PEG3: variants seen among roughly 807,000 people sequenced by gnomAD.
PEG3 encodes paternally-expressed gene 3 protein.
In PEG3, 23 loss-of-function variants were observed where a neutral mutation model predicts 35.5. The observed-to-expected ratio is 0.65, with a 90% CI of 0.47 to 0.92. The LOEUF (loss-of-function observed/expected upper bound fraction) is 0.92. Among genes scored for constraint, PEG3 ranks in the 40% least tolerant of loss-of-function variants. The probability of loss-of-function intolerance (pLI) is 0.00; values close to 1 mark genes in which losing one functional copy is unlikely to be tolerated. For missense variants in PEG3, 1,960 were observed against 1,985.3 expected, an observed-to-expected ratio of 0.99 and a Z score of 0.24; for synonymous variants, 707 against 697.0, an observed-to-expected ratio of 1.01 and a Z score of -0.23.
intron 1 of PEG3, 58 bp from the exon 2 acceptor site, chr19:56,836,162 CAG>C: frequency 2.3e-6 from 1 of 434,366 alleles, no homozygotes. Context: ...CTGGGTTCCT[CAG>C]GGGGGAACAA....
chr19:56,814,489 G>A lies in PEG3; in HGVS notation c.3953C>T (p.Thr1318Ile). The A allele has an allele frequency of 6.2e-7, 1 of 1,613,082 alleles. No individual in the cohort carries two copies. The highest frequency in any genetic ancestry group is 8.5e-7 in the Non-Finnish European group (1 of 1,179,034). Reference sequence around the variant, plus strand: ...TTTGAGGGGCTCAGTAAGAAATGAGGTGTGAGTATAGGAGGACCCGTACTC... The same window carrying A: ...TTTGAGGGGCTCAGTAAGAAATGAGATGTGAGTATAGGAGGACCCGTACTC... ...PYEYGSSYTH[T>I]SFLTEPLKGA... The change falls in exon 10 of 10, where the codon ACC becomes ATC. Residue 1318 changes from threonine to isoleucine, a missense_variant. By Grantham distance (89) the Thr-to-Ile change is moderately conservative. Transcript: ENST00000326441. This position sits in a 1 kb window ranked among gnomAD's most constrained non-coding sequence, Gnocchi z 5.8.
In PEG3 at chr19:56,816,946, T is replaced by C; in HGVS notation, c.1496A>G (p.Gln499Arg). The change falls in exon 10 of 10, where the codon CAG becomes CGG. Residue 499 changes from glutamine to arginine, a missense_variant. Coordinates refer to ENST00000326441, the MANE Select transcript of PEG3 (RefSeq NM_006210.3). ...ACATTCAAAACGTTTCCCTCCAACC[T>C]GACTTTTCTGAACTTCACTGACAGC... ...SVAVSEVQKS[Q>R]VGGKRFECKD... 6.2e-7 allele frequency: 1 copy of C among 1,614,228 alleles called. No individual in the cohort carries two copies. The highest frequency in any genetic ancestry group is 1.3e-5 in the African/African-American group (1 of 75,068).
rs907308151 is a variant in PEG3 at position 56,810,483 on chromosome 19, C to T, written c.*3192G>A. On this transcript the variant is annotated 3_prime_UTR_variant, in exon 10 of 10. Transcript: ENST00000326441. Reference sequence around the variant, plus strand: ...AATAATCACAGACTAGTGCACAGATCAAGATGTTAACAGTTAATTGTTGTT... The same window carrying T: ...AATAATCACAGACTAGTGCACAGATTAAGATGTTAACAGTTAATTGTTGTT... 1.0e-6 allele frequency: 1 copy of T among 984,956 alleles called. No homozygotes were observed. 61.0% of individuals were successfully genotyped at this position (984,956 alleles called of 1,614,324 possible). A position where few individuals can be genotyped will look rare whatever the true frequency, so the allele number is the denominator to read the frequency against.
At chr19:56,837,682 T>C (rs998691581) in intron 1 of PEG3, among the ~76,000 whole-genome samples, 3 of 152,150 alleles carry the variant, frequency 2.0e-5, no homozygotes, top group African/African-American at 7.2e-5. Flanking sequence ...AAGGCTCCAG[T>C]GCAGGCCCCA....
Position 56,816,345 on chromosome 19 carries a change from C to T in PEG3, c.2097G>A (p.Glu699=), listed in dbSNP as rs1336848979. 6.2e-7 allele frequency: 1 copy of T among 1,614,062 alleles called. No individual in the cohort carries two copies. Among genetic ancestry groups the T allele is most frequent in the African/African-American group, 1.3e-5 (1 of 74,918 alleles). The change falls in exon 10 of 10, where the codon GAG becomes GAA. Residue 699 remains glutamate, a synonymous_variant. Coordinates refer to ENST00000326441, the MANE Select transcript of PEG3 (RefSeq NM_006210.3). Reference sequence around the variant, plus strand: ...AATGAATTTTCTGATGCTCACTGAGCTCTGAGCTTTGCATGAAGGCATCCC... The same window carrying T: ...AATGAATTTTCTGATGCTCACTGAGTTCTGAGCTTTGCATGAAGGCATCCC... The part of the protein sequence containing the change: ...DGRDAFMQSS[E]LSEHQKIHSR...
At position 56,836,001 on chromosome 19, in the gene PEG3, G is replaced by A. The variant is rs368366933; in HGVS notation, c.-163+17C>T. 18 of 510,116 alleles carry A rather than the reference G, an allele frequency of 3.5e-5. No homozygotes were observed. Among genetic ancestry groups the A allele is most frequent in the East Asian group, 3.3e-4 (6 of 18,124 alleles). The allele number at this position is 510,116 out of a possible 1,614,324, so 31.6% of individuals were successfully genotyped here. ...CCAAAGATGAATGTGGCACTGTGAGGAGGAAATTCAACTCACCTGGACCCA... is the reference window on the plus strand; with the variant it reads ...CCAAAGATGAATGTGGCACTGTGAGAAGGAAATTCAACTCACCTGGACCCA... On this transcript the variant is annotated intron_variant, in intron 2 of 9. Coordinates refer to ENST00000326441, the MANE Select transcript of PEG3 (RefSeq NM_006210.3).
At chr19:56,831,000 T>C (rs981058164) in intron 2 of PEG3, among the ~76,000 whole-genome samples, 1 of 151,862 alleles carries the variant, frequency 6.6e-6, no homozygotes, top group African/African-American at 2.4e-5. Flanking sequence ...CTGAAATAAA[T>C]ACATAAAGAC....
chr19:56,815,056 T>C lies in PEG3; in HGVS notation c.3386A>G (p.His1129Arg). ...ACTGTCAACCAGGCACTTCCTGCTG[T>C]GGACTTTCTGATGGTCTGTGAGGTC... ...LTDLTDHQKV[H>R]SRKCLVDSRE... Residue 1129 changes from histidine (H) to arginine (R), a missense_variant, in exon 10 of 10, where the codon CAC becomes CGC. Transcript: ENST00000326441. 5 of 1,614,192 alleles carry C rather than the reference T, an allele frequency of 3.1e-6. No homozygotes were observed. The highest frequency in any genetic ancestry group is 4.2e-6 in the Non-Finnish European group (5 of 1,180,022).
chr19:56,836,099 G>C lies in PEG3; in HGVS notation c.-244C>G. ...CCAAGAAGGACGGAAGATCAAGAAG[G>C]CAAAGCTGTAGAGGAAAAGAAAATG... On this transcript the variant is annotated 5_prime_UTR_variant, in exon 2 of 10. Coordinates refer to ENST00000326441, the MANE Select transcript of PEG3 (RefSeq NM_006210.3). The C allele has an allele frequency of 4.1e-6, 2 of 484,156 alleles. No individual in the cohort carries two copies. Among genetic ancestry groups the C allele is most frequent in the South Asian group, 3.0e-5 (2 of 66,322 alleles). 30.0% of individuals were successfully genotyped at this position (484,156 alleles called of 1,614,324 possible).
At chr19:56,836,189 C>A in intron 1 of PEG3, 85 bp from the exon 2 acceptor site, 1 of 397,406 alleles carries the variant, frequency 2.5e-6, no homozygotes. Context: ...ACAACAGTTC[C>A]ACATTTATCT....
chr19:56,835,996 G>T, intron 2 of PEG3, 22 bp downstream of exon 2: 1 of 509,146 alleles, frequency 2.0e-6, no homozygotes. Context: ...ATGTGGCACT[G>T]TGAGGAGGAA....
intron 2 of PEG3, among the ~76,000 whole-genome samples, chr19:56,834,647 G>A (rs983272503): frequency 3.9e-5 from 6 of 152,070 alleles, no homozygotes; most frequent in Non-Finnish European, 7.4e-5. Flanking sequence ...ATGAGCCCTC[G>A]GGCAAAGGAG....
In PEG3 at chr19:56,816,496, T is replaced by C; in HGVS notation, c.1946A>G (p.His649Arg). ...SSSLKEHQKIHTRGNPFENKG... is the reference protein window; with the variant it reads ...SSSLKEHQKIRTRGNPFENKG... ...GTTTTCAAATGGGTTCCCTCTAGTA[T>C]GGATTTTCTGATGTTCTTTCAGGGA... The change falls in exon 10 of 10, where the codon CAT becomes CGT. Residue 649 changes from histidine (H) to arginine (R), a missense_variant. Physicochemically the swap from His to Arg is conservative, Grantham distance 29. Around this residue, in one of 5 missense-constraint regions of PEG3, gnomAD observed 798 missense variants for 782.4 expected, o/e 1.02. Transcript: ENST00000326441. 2 of 1,613,426 alleles carry C rather than the reference T, an allele frequency of 1.2e-6. No individual in the cohort carries two copies. The highest frequency in any genetic ancestry group is 1.7e-5 in the Admixed American group (1 of 59,932).
chr19:56,812,933 T>A lies in PEG3; in HGVS notation c.*742A>T. On this transcript the variant is annotated 3_prime_UTR_variant, in exon 10 of 10. Coordinates refer to ENST00000326441, the MANE Select transcript of PEG3 (RefSeq NM_006210.3). ...GGGTCACAAAAAGCCAATCCGTATATTGTAAAGCCTTACACAGTATTAGGT... is the reference window on the plus strand; with the variant it reads ...GGGTCACAAAAAGCCAATCCGTATAATGTAAAGCCTTACACAGTATTAGGT... 2.0e-6 allele frequency: 2 copies of A among 985,798 alleles called. No homozygotes were observed. The highest frequency in any genetic ancestry group is 1.2e-6 in the Non-Finnish European group (1 of 829,902). The allele number at this position is 985,798 out of a possible 1,614,324, so 61.1% of individuals were successfully genotyped here. A position where few individuals can be genotyped will look rare whatever the true frequency, so the allele number is the denominator to read the frequency against.
intron 8 of PEG3, among the ~76,000 whole-genome samples, chr19:56,818,396 G>A (rs1301931779): frequency 6.6e-6 from 1 of 152,078 alleles, no homozygotes; most frequent in East Asian, 1.9e-4. Context: ...CCTGTACAAT[G>A]TATCTTTACC....
chr19:56,817,326 C>T lies in PEG3; in HGVS notation c.1116G>A (p.Arg372=), dbSNP rs2060070030. The T allele has an allele frequency of 1.2e-6, 2 of 1,614,134 alleles. No individual in the cohort carries two copies. The highest frequency in any genetic ancestry group is 8.5e-7 in the Non-Finnish European group (1 of 1,180,004). The part of the protein sequence containing the change: ...QQRVYEGNAF[R]GGFRFNSTLV... ...GGGTTGAATTAAACCTAAAGCCTCC[C>T]CTAAATGCATTCCCTTCATAAACCC... Residue 372 remains arginine (R), a synonymous_variant, in exon 10 of 10, where the codon AGG becomes AGA. Transcript: ENST00000326441.
At chr19:56,836,767 G>A (rs572522205) in intron 1 of PEG3, among the ~76,000 whole-genome samples, 5 of 152,164 alleles carry the variant, frequency 3.3e-5, no homozygotes, top group South Asian at 4.2e-4. Flanking sequence ...TCAGGAGTTC[G>A]AGACCACCCT....
chr19:56,835,666 T>C (rs185271668), intron 2 of PEG3, among the ~76,000 whole-genome samples: 136 of 152,362 alleles, frequency 8.9e-4, no homozygotes, highest in Non-Finnish European at 1.6e-3. Flanking sequence ...CTTTCCCCCA[T>C]TGGGGCTATG....
intron 3 of PEG3, among the ~76,000 whole-genome samples, chr19:56,825,207 A>T (rs2060902832): frequency 6.6e-6 from 1 of 152,250 alleles, no homozygotes; most frequent in South Asian, 2.1e-4. Context: ...GAGTTGGGGC[A>T]AATCCTCCCC....
Sources: allele counts gnomAD v4.1 joint callset (sites outside exome capture counted in the v4.1 genomes callset), GRCh38; gene constraint gnomAD v4.1.1; regional missense constraint gnomAD v4.1.1; non-coding constraint Gnocchi (gnomAD v3.1); transcripts MANE v1.5; gene names NCBI Gene and HGNC (gene_info 2026-07-23, HGNC 2026-07-21).